Variants in GRID1 observed in about 807,000 individuals in gnomAD.
GRID1 encodes the protein glutamate ionotropic receptor delta type subunit 1.
GRID1 carries 28 observed loss-of-function variants against 98.0 expected under a neutral mutation model. The observed-to-expected ratio is 0.29, with a 90% CI of 0.21 to 0.39. The LOEUF is 0.39. Ranked by LOEUF, GRID1 falls within the 10% of genes least tolerant of loss-of-function variation. GRID1 has a pLI of 1.00. For missense variants in GRID1, 1,111 were observed against 1,340.5 expected (o/e 0.83, Z 2.67); for synonymous variants, 553 against 538.5 (o/e 1.03, Z -0.37).
intron 2 of GRID1, among the ~76,000 whole-genome samples, chr10:86,256,256 C>T (rs1328351753): frequency 6.6e-6 from 1 of 152,180 alleles, no homozygotes; most frequent in Non-Finnish European, 1.5e-5. Flanking sequence ...GGGCTCTGCT[C>T]CCACAAGGAA....
intron 3 of GRID1, among the ~76,000 whole-genome samples, chr10:86,167,684 C>T (rs1318577166): frequency 6.6e-6 from 1 of 152,210 alleles, no homozygotes; most frequent in Non-Finnish European, 1.5e-5. Flanking sequence ...GGTTTTGCTG[C>T]CTTCCTGCCC....
chr10:85,718,122 C>A (rs980175011), intron 12 of GRID1, among the ~76,000 whole-genome samples: 3 of 152,178 alleles, frequency 2.0e-5, no homozygotes, highest in African/African-American at 4.8e-5. Flanking sequence ...AGTGGATTTA[C>A]CATTCTGTGG....
chr10:85,781,802 T>C (rs557524241), intron 8 of GRID1, among the ~76,000 whole-genome samples: 3 of 145,244 alleles, frequency 2.1e-5, no homozygotes, highest in African/African-American at 7.9e-5. Context: ...ATATTGTACA[T>C]TTGAAAAAAA....
chr10:86,027,121 A>T (rs1843126393), intron 4 of GRID1, among the ~76,000 whole-genome samples: 1 of 152,246 alleles, frequency 6.6e-6, no homozygotes, highest in Admixed American at 6.5e-5. Flanking sequence ...AATATACATG[A>T]CATAAAATCC....
rs546057636 is a variant in GRID1, at chr10:86,276,790, A to G, written c.236-70142T>C. Among the ~76,000 whole-genome samples, 9 of 152,280 alleles carry G rather than the reference A, an allele frequency of 5.9e-5. No homozygotes were observed. The South Asian group carries it at 8.3e-4, about 14-fold the overall frequency. On this transcript the variant is annotated intron_variant, in intron 2 of 15. Transcript: ENST00000327946. ...CAGGCGTGAGCCACCGCACCCAGCCATCAATAAGATTCGACATCCAATTTG... is the reference window on the plus strand; with the variant it reads ...CAGGCGTGAGCCACCGCACCCAGCCGTCAATAAGATTCGACATCCAATTTG...
intron 2 of GRID1, among the ~76,000 whole-genome samples, chr10:86,239,033 C>T (rs969711718): frequency 2.0e-5 from 3 of 152,142 alleles, no homozygotes; most frequent in African/African-American, 7.2e-5. Context: ...CAACAGCTTG[C>T]AACATGTGCC....
chr10:85,678,756 C>G (rs1486075439), intron 12 of GRID1, among the ~76,000 whole-genome samples: 2 of 152,036 alleles, frequency 1.3e-5, no homozygotes, highest in Non-Finnish European at 2.9e-5. Flanking sequence ...CCTCCCTTAG[C>G]TCTGCCACCA....
chr10:86,249,320 C>T (rs1846783066), intron 2 of GRID1, among the ~76,000 whole-genome samples: 1 of 152,126 alleles, frequency 6.6e-6, no homozygotes, highest in Non-Finnish European at 1.5e-5. Flanking sequence ...CTAGTGAGTC[C>T]CAAGGTCACC....
chr10:85,908,292 T>C (rs980982388), intron 5 of GRID1, among the ~76,000 whole-genome samples: 10 of 152,204 alleles, frequency 6.6e-5, no homozygotes, highest in African/African-American at 2.4e-4. Flanking sequence ...GAAAATCTAA[T>C]GGAATCTATG....
intron 2 of GRID1, among the ~76,000 whole-genome samples, chr10:86,355,763 G>A (rs74535768): frequency 6.6e-6 from 1 of 152,254 alleles, no homozygotes; most frequent in Non-Finnish European, 1.5e-5. Context: ...CCTGGGCCCA[G>A]TGCCTGTCAG....
intron 8 of GRID1, among the ~76,000 whole-genome samples, chr10:85,747,794 G>C (rs1458919748): frequency 6.6e-6 from 1 of 152,162 alleles, no homozygotes; most frequent in Non-Finnish European, 1.5e-5. Flanking sequence ...AGATGATCTA[G>C]CTACCAAGAC....
Position 85,856,022 on chromosome 10 carries a change from C to G in GRID1, c.1113+7G>C. 2 of 1,612,992 alleles carry G rather than the reference C, an allele frequency of 1.2e-6. No homozygotes were observed. Among genetic ancestry groups the G allele is most frequent in the Non-Finnish European group, 1.7e-6 (2 of 1,179,772 alleles). On this transcript the variant is annotated splice_region_variant and intron_variant, in intron 7 of 15. Coordinates refer to ENST00000327946, the MANE Select transcript of GRID1 (RefSeq NM_017551.3). ...TGGCCAGGTTGGGGGTGCCCCCTCA[C>G]ACGTACCTTTTTGATGGTATCCAGC...
intron 4 of GRID1, among the ~76,000 whole-genome samples, chr10:86,103,904 G>A (rs1227055907): frequency 6.6e-6 from 1 of 152,212 alleles, no homozygotes; most frequent in African/African-American, 2.4e-5. Flanking sequence ...GCTGGGCACA[G>A]CCCTCATGGT....
chr10:86,011,303 A>G (rs887814163), intron 4 of GRID1, among the ~76,000 whole-genome samples: 2 of 152,150 alleles, frequency 1.3e-5, no homozygotes, highest in African/African-American at 2.4e-5. Flanking sequence ...TAGATTGGGA[A>G]CTCCATGAAA....
At chr10:85,686,415 A>G (rs1318328666) in intron 12 of GRID1, among the ~76,000 whole-genome samples, 1 of 152,242 alleles carries the variant, frequency 6.6e-6, no homozygotes, top group African/African-American at 2.4e-5. Flanking sequence ...CACTGTCAAT[A>G]TTGGCATACT....
chr10:86,240,636 A>T (rs2132041606), intron 2 of GRID1, among the ~76,000 whole-genome samples: 1 of 152,278 alleles, frequency 6.6e-6, no homozygotes, highest in East Asian at 1.9e-4. Flanking sequence ...TGAAAAGCAG[A>T]TTTTAGCTCC....
chr10:85,618,234 C>T (rs932321118), intron 14 of GRID1, among the ~76,000 whole-genome samples: 5 of 152,154 alleles, frequency 3.3e-5, no homozygotes, highest in Admixed American at 6.5e-5. Flanking sequence ...AACCTTTCCT[C>T]GCTGGGGCCC....
intron 4 of GRID1, among the ~76,000 whole-genome samples, chr10:86,101,334 T>C (rs529167090): frequency 1.3e-5 from 2 of 152,272 alleles, no homozygotes; most frequent in Non-Finnish European, 2.9e-5. Context: ...TATAATCTTA[T>C]GAGTTTTATA....
chr10:86,038,206 C>T (rs6585993), intron 4 of GRID1, among the ~76,000 whole-genome samples: 12,300 of 152,164 alleles, frequency 0.081, 587 homozygotes, highest in East Asian at 0.18. Context: ...GTCTGTGGTG[C>T]TTTGATATGG....
Sources: gnomAD v4.1 joint callset for allele counts (sites outside exome capture counted in the v4.1 genomes callset) on GRCh38, gnomAD v4.1.1 for gene constraint, MANE v1.5 for transcripts, NCBI Gene and HGNC (gene_info 2026-07-23, HGNC 2026-07-21) for gene names.